Variants in PLCZ1 observed in about 807,000 individuals in gnomAD.
PLCZ1 encodes the protein 1-phosphatidylinositol 4,5-bisphosphate phosphodiesterase zeta-1.
PLCZ1 carries 64 observed loss-of-function variants against 76.8 expected under a neutral mutation model. The ratio of observed to expected loss-of-function variants is 0.83; its 90% CI spans 0.68 to 1.03. The LOEUF is 1.03. Ranked by LOEUF, PLCZ1 falls within the 50% of genes least tolerant of loss-of-function variation. PLCZ1 has a pLI of 0.00. For synonymous variants in PLCZ1, 248 were observed against 230.8 expected (o/e 1.07, Z -0.68); for missense variants, 751 against 713.7 (o/e 1.05, Z -0.60).
At chr12:18,734,711 G>T (rs1376412143) in intron 3 of PLCZ1, among the ~76,000 whole-genome samples, 1 of 152,132 alleles carries the variant, frequency 6.6e-6, no homozygotes, top group East Asian at 1.9e-4. Flanking sequence ...TGCCATCAGT[G>T]AATAGAGATA....
downstream of PLCZ1, among the ~76,000 whole-genome samples, chr12:18,678,231 T>C (rs143826731): frequency 2.4e-4 from 37 of 152,192 alleles, no homozygotes; most frequent in Middle Eastern, 6.8e-3. Context: ...AGAACACACA[T>C]TGTCACATCT....
chr12:18,656,445 A>G, the PLCZ1 span, among the ~76,000 whole-genome samples: 12 of 152,184 alleles, frequency 7.9e-5, no homozygotes, highest in Non-Finnish European at 1.6e-4. Flanking sequence ...GGGCGCCTGT[A>G]ATCCCAGCTA....
At chr12:18,734,704 C>T (rs1959183221) in intron 3 of PLCZ1, among the ~76,000 whole-genome samples, 1 of 152,120 alleles carries the variant, frequency 6.6e-6, no homozygotes, top group African/African-American at 2.4e-5. Flanking sequence ...AAGATTGTGC[C>T]ATCAGTGAAT....
intron 3 of PLCZ1, among the ~76,000 whole-genome samples, chr12:18,729,503 C>G (rs1487065): frequency 0.91 from 138,366 of 152,012 alleles, 63,628 homozygotes; most frequent in East Asian, 1. Flanking sequence ...CAGAGTGTCA[C>G]CACATACTAT....
the PLCZ1 span, among the ~76,000 whole-genome samples, chr12:18,657,621 A>G: frequency 0.012 from 1,834 of 152,322 alleles, 29 homozygotes; most frequent in African/African-American, 0.042. Flanking sequence ...TCTAGATACA[A>G]CAATGAATAC....
chr12:18,655,881 G>A, the PLCZ1 span, among the ~76,000 whole-genome samples: 1 of 152,134 alleles, frequency 6.6e-6, no homozygotes, highest in Non-Finnish European at 1.5e-5. Flanking sequence ...CAGCCAAGAG[G>A]AGCTTCAGGA....
the PLCZ1 span, among the ~76,000 whole-genome samples, chr12:18,649,070 T>A: frequency 6.6e-6 from 1 of 152,144 alleles, no homozygotes; most frequent in Non-Finnish European, 1.5e-5. Flanking sequence ...TACGTGATCA[T>A]GCAAGTCAAG....
At chr12:18,675,385 A>T in the PLCZ1 span, among the ~76,000 whole-genome samples, 1 of 152,164 alleles carries the variant, frequency 6.6e-6, no homozygotes, top group African/African-American at 2.4e-5. Flanking sequence ...CTTCACATGG[A>T]TGCAGATAAA....
the PLCZ1 span, among the ~76,000 whole-genome samples, chr12:18,663,580 T>C: frequency 1.3e-5 from 2 of 152,048 alleles, no homozygotes; most frequent in African/African-American, 4.8e-5. Flanking sequence ...AAGGATGACC[T>C]TGTAAAAATT....
intron 4 of PLCZ1, among the ~76,000 whole-genome samples, chr12:18,720,269 T>G (rs1451332172): frequency 1.6e-4 from 25 of 151,942 alleles, no homozygotes. Flanking sequence ...CTATCACTGA[T>G]AGGCATTTAG....
chr12:18,659,406 G>A, the PLCZ1 span, among the ~76,000 whole-genome samples: 1 of 152,116 alleles, frequency 6.6e-6, no homozygotes, highest in Non-Finnish European at 1.5e-5. Flanking sequence ...GGATTAAGCG[G>A]CTGACCTGAT....
At chr12:18,667,032 A>T in the PLCZ1 span, among the ~76,000 whole-genome samples, 1 of 152,176 alleles carries the variant, frequency 6.6e-6, no homozygotes, top group Non-Finnish European at 1.5e-5. Flanking sequence ...GGTGTAGGCT[A>T]TATCACCAGA....
At chr12:18,720,176 A>C (rs534610568) in intron 4 of PLCZ1, among the ~76,000 whole-genome samples, 7 of 152,148 alleles carry the variant, frequency 4.6e-5, no homozygotes, top group Admixed American at 6.6e-5. Context: ...TTGTAGTTGC[A>C]TGTAGTTATA....
intron 12 of PLCZ1, among the ~76,000 whole-genome samples, chr12:18,689,786 T>A (rs1414105157): frequency 6.6e-6 from 1 of 152,040 alleles, no homozygotes; most frequent in Non-Finnish European, 1.5e-5. Context: ...TGACGAAGAG[T>A]AAAGCAGCAA....
chr12:18,713,332 C>T (rs1267481913), intron 5 of PLCZ1, among the ~76,000 whole-genome samples: 1 of 152,104 alleles, frequency 6.6e-6, no homozygotes, highest in Non-Finnish European at 1.5e-5. Context: ...TATAATTTTA[C>T]TTATGGTGGC....
rs201661578 is a variant in PLCZ1 at position 18,701,691 on chromosome 12, C to A, written c.949+1G>T. 2 of 1,609,792 alleles carry A rather than the reference C, an allele frequency of 1.2e-6. No individual in the cohort carries two copies. The highest frequency in any genetic ancestry group is 2.7e-5 in the African/African-American group (2 of 74,656). On this transcript the variant is annotated splice_donor_variant, in intron 8 of 14. Coordinates refer to ENST00000266505, the MANE Select transcript of PLCZ1 (RefSeq NM_033123.4). LOFTEE classifies it high-confidence loss of function. ...TTCTTCTTCCCATTCCTCCACCTTA[C>A]CACGCTTATCAGAACCTTTTCTTTC...
chr12:18,712,564 T>C (rs1190235369), intron 6 of PLCZ1, among the ~76,000 whole-genome samples: 1 of 152,088 alleles, frequency 6.6e-6, no homozygotes, highest in African/African-American at 2.4e-5. Context: ...CTGGCCATCA[T>C]CCACAATAAT....
chr12:18,699,145 C>T (rs1451902646), intron 10 of PLCZ1, among the ~76,000 whole-genome samples: 1 of 152,150 alleles, frequency 6.6e-6, no homozygotes, highest in African/African-American at 2.4e-5. Flanking sequence ...ACAGATGGCA[C>T]CTCTACAGGT....
At chr12:18,650,994 G>C in the PLCZ1 span, among the ~76,000 whole-genome samples, 1 of 151,678 alleles carries the variant, frequency 6.6e-6, no homozygotes, top group Non-Finnish European at 1.5e-5. Flanking sequence ...TCATTCTTCT[G>C]TTCAAAACTC....
Sources: gnomAD v4.1 joint callset for allele counts (sites outside exome capture counted in the v4.1 genomes callset) on GRCh38, gnomAD v4.1.1 for gene constraint, MANE v1.5 for transcripts, NCBI Gene and HGNC (gene_info 2026-07-23, HGNC 2026-07-21) for gene names.